ERC2: variants seen among roughly 807,000 people sequenced by gnomAD.
ERC2 encodes the protein ERC protein 2.
In ERC2, 42 loss-of-function variants were observed where a neutral mutation model predicts 114.8. That is an observed-to-expected ratio of 0.37 (90% CI 0.29 to 0.47). The LOEUF is 0.47. Ranked by LOEUF, ERC2 falls within the 20% of genes least tolerant of loss-of-function variation. The pLI is 0.99. For missense variants in ERC2, 939 were observed against 1,150.7 expected, an observed-to-expected ratio of 0.82 and a Z score of 2.66; for synonymous variants, 454 against 425.5, an observed-to-expected ratio of 1.07 and a Z score of -0.82.
intron 14 of ERC2, among the ~76,000 whole-genome samples, chr3:55,785,278 T>C (rs1006165944): frequency 2.0e-5 from 3 of 152,146 alleles, no homozygotes; most frequent in Non-Finnish European, 4.4e-5. Context: ...CAAATATGGG[T>C]TTGACAAATT....
At chr3:56,448,254 C>G (rs1430190712) in intron 1 of ERC2, among the ~76,000 whole-genome samples, 1 of 152,192 alleles carries the variant, frequency 6.6e-6, no homozygotes, top group East Asian at 1.9e-4. Context: ...TACACTGCAA[C>G]CCAGGTTTTT....
chr3:56,369,188 C>T (rs1027523772), intron 2 of ERC2, among the ~76,000 whole-genome samples: 6 of 152,190 alleles, frequency 3.9e-5, no homozygotes, highest in African/African-American at 1.4e-4. Flanking sequence ...CATAATGGAA[C>T]TTTTTCTCTG....
At chr3:56,353,247 C>G (rs182999661) in intron 2 of ERC2, among the ~76,000 whole-genome samples, 1 of 152,012 alleles carries the variant, frequency 6.6e-6, no homozygotes, top group Non-Finnish European at 1.5e-5. Context: ...GATCTACAAC[C>G]CATCCATCCC....
At chr3:55,556,770 C>T (rs567860578) in intron 17 of ERC2, among the ~76,000 whole-genome samples, 5 of 152,292 alleles carry the variant, frequency 3.3e-5, no homozygotes, top group South Asian at 2.1e-4. Flanking sequence ...TGCATGAAGG[C>T]GGGTCTCAAT....
chr3:55,917,754 T>C (rs543503467), intron 13 of ERC2, among the ~76,000 whole-genome samples: 33 of 152,314 alleles, frequency 2.2e-4, no homozygotes, highest in Non-Finnish European at 4.3e-4. Flanking sequence ...AATCATTGAA[T>C]GCTACACTTT....
intron 2 of ERC2, among the ~76,000 whole-genome samples, chr3:56,388,423 G>C (rs956583360): frequency 3.9e-5 from 6 of 152,126 alleles, no homozygotes; most frequent in African/African-American, 1.4e-4. Context: ...ATGGTTGCAA[G>C]CTTCCTGAGG....
intron 14 of ERC2, among the ~76,000 whole-genome samples, chr3:55,830,354 G>C (rs1334598662): frequency 6.6e-6 from 1 of 152,168 alleles, no homozygotes; most frequent in Non-Finnish European, 1.5e-5. Flanking sequence ...AAAGAGAAAT[G>C]CAGAAATTCA....
intron 14 of ERC2, among the ~76,000 whole-genome samples, chr3:55,862,194 A>G (rs142082370): frequency 2.6e-5 from 4 of 152,186 alleles, no homozygotes; most frequent in African/African-American, 9.6e-5. Context: ...GTGTATATAT[A>G]TACATATATA....
chr3:55,944,543 A>G (rs1431755036), intron 13 of ERC2, among the ~76,000 whole-genome samples: 1 of 152,256 alleles, frequency 6.6e-6, no homozygotes, highest in African/African-American at 2.4e-5. Flanking sequence ...GGGAGGAAAG[A>G]AGAAAAACTC....
At chr3:55,751,615 G>A (rs760197087) in intron 14 of ERC2, among the ~76,000 whole-genome samples, 1 of 152,154 alleles carries the variant, frequency 6.6e-6, no homozygotes, top group Non-Finnish European at 1.5e-5. Context: ...TAACATAGAT[G>A]AGGCTTGCTC....
At chr3:55,573,709 C>T (rs6772485) in intron 17 of ERC2, among the ~76,000 whole-genome samples, 22,336 of 151,960 alleles carry the variant, frequency 0.15, 1,844 homozygotes, top group Non-Finnish European at 0.19. Flanking sequence ...CCCACATGTC[C>T]CTGCCTCATC....
intron 14 of ERC2, among the ~76,000 whole-genome samples, chr3:55,745,641 G>A (rs2066258419): frequency 6.6e-6 from 1 of 152,212 alleles, no homozygotes; most frequent in South Asian, 2.1e-4. Context: ...ATCTCTGGCA[G>A]GTTATAGATG....
chr3:55,798,329 T>C (rs2070680207), intron 14 of ERC2, among the ~76,000 whole-genome samples: 1 of 152,106 alleles, frequency 6.6e-6, no homozygotes, highest in Non-Finnish European at 1.5e-5. Context: ...CAGTGGCTCA[T>C]GCCTGTAATC....
chr3:56,429,683 G>T (rs555077809), intron 2 of ERC2, among the ~76,000 whole-genome samples: 7 of 152,198 alleles, frequency 4.6e-5, no homozygotes, highest in Non-Finnish European at 8.8e-5. Context: ...ATGTAGAGCC[G>T]CGTGGCTGAG....
intron 14 of ERC2, among the ~76,000 whole-genome samples, chr3:55,886,644 C>A (rs1181854395): frequency 6.6e-6 from 1 of 152,110 alleles, no homozygotes; most frequent in Non-Finnish European, 1.5e-5. Context: ...TGTTTCTCAG[C>A]TAAGTGTTTA....
At chr3:55,690,847 A>C (rs1036206602) in intron 16 of ERC2, among the ~76,000 whole-genome samples, 2 of 152,200 alleles carry the variant, frequency 1.3e-5, no homozygotes, top group African/African-American at 4.8e-5. Flanking sequence ...TTAGCATCGC[A>C]CCCAGATTAA....
At chr3:55,874,871 T>A (rs1032641616) in intron 14 of ERC2, among the ~76,000 whole-genome samples, 1 of 152,156 alleles carries the variant, frequency 6.6e-6, no homozygotes, top group Non-Finnish European at 1.5e-5. Context: ...GAATGGGCAC[T>A]GCTGAGAGGG....
chr3:55,830,480 G>T (rs2060520771), intron 14 of ERC2, among the ~76,000 whole-genome samples: 1 of 152,144 alleles, frequency 6.6e-6, no homozygotes, highest in Non-Finnish European at 1.5e-5. Context: ...TGATAATATT[G>T]TCTTGGGAGG....
intron 15 of ERC2, among the ~76,000 whole-genome samples, chr3:55,714,273 G>C (rs1057211983): frequency 1.3e-5 from 2 of 152,050 alleles, no homozygotes; most frequent in Non-Finnish European, 2.9e-5. Flanking sequence ...TTGGCACTAG[G>C]TATCAAAATT....
Sources: allele counts gnomAD v4.1 joint callset (sites outside exome capture counted in the v4.1 genomes callset), GRCh38; gene constraint gnomAD v4.1.1; transcripts MANE v1.5; gene names NCBI Gene and HGNC (gene_info 2026-07-23, HGNC 2026-07-21).